DNAJC21: variants seen among roughly 807,000 people sequenced by gnomAD.
DNAJC21 encodes dnaJ homolog subfamily C member 21.
DNAJC21 carries 63 observed loss-of-function variants against 72.4 expected under a neutral mutation model. The ratio of observed to expected loss-of-function variants is 0.87; its 90% CI spans 0.71 to 1.07. DNAJC21 has a LOEUF of 1.07. Ranked by LOEUF, DNAJC21 falls within the 50% of genes least tolerant of loss-of-function variation. The pLI is 0.00. For missense variants in DNAJC21, 634 were observed against 644.8 expected (o/e 0.98, Z 0.18); for synonymous variants, 203 against 216.7 (o/e 0.94, Z 0.56).
chr5:34,950,432 A>G (rs1351354169), intron 10 of DNAJC21, 90 bp downstream of exon 10: 20 of 1,483,610 alleles, frequency 1.3e-5, no homozygotes, highest in Non-Finnish European at 1.6e-5. Context: ...CTTCTTTCCC[A>G]TGACTGACCA....
At chr5:34,941,045 G>C in intron 6 of DNAJC21, 51 bp from the exon 7 acceptor site, 1 of 1,368,454 alleles carries the variant, frequency 7.3e-7, no homozygotes. Context: ...GCATATTTTA[G>C]ATTTGTGCTC....
At position 34,933,799 on chromosome 5, in the gene DNAJC21, T is replaced by C. The variant is rs2112023914; in HGVS notation, c.98-16T>C. 6.2e-7 allele frequency: 1 copy of C among 1,608,654 alleles called. No individual in the cohort carries two copies. The highest frequency in any genetic ancestry group is 1.7e-4 in the Middle Eastern group (1 of 6,050). On this transcript the variant is annotated splice_polypyrimidine_tract_variant and intron_variant, in intron 1 of 11. Transcript: ENST00000648817. ...TGTACGTTTTTGATTGACTTAAATT[T>C]CTGTGACTTTAACAGATAAAAATCT... is the stretch of plus-strand genomic sequence containing the variant.
At chr5:34,941,718 CA>C (rs544824214) in intron 7 of DNAJC21, among the ~76,000 whole-genome samples, 13 of 152,036 alleles carry the variant, frequency 8.6e-5, no homozygotes, top group Non-Finnish European at 1.9e-4. Context: ...AGATGCAGGT[CA>C]CCGCACCCAG....
chr5:34,942,216 A>G (rs73080678), intron 7 of DNAJC21, among the ~76,000 whole-genome samples: 194 of 152,266 alleles, frequency 1.3e-3, no homozygotes, highest in African/African-American at 4.3e-3. Context: ...GATGCTGCCA[A>G]TATAGGGGCT....
intron 2 of DNAJC21, among the ~76,000 whole-genome samples, chr5:34,934,423 G>T (rs1371879740): frequency 1.3e-5 from 2 of 150,672 alleles, no homozygotes; most frequent in Non-Finnish European, 3.0e-5. Context: ...TAGAGACGGG[G>T]TTTCAGCATG....
rs1298461050 is a variant in DNAJC21 at position 34,937,500 on chromosome 5, C to T, written c.613C>T (p.Gln205Ter). The T allele has an allele frequency of 6.2e-7, 1 of 1,614,144 alleles. No individual in the cohort carries two copies. The highest frequency in any genetic ancestry group is 1.1e-5 in the South Asian group (1 of 91,080). Residue 205 changes from glutamine to a stop codon, truncating the protein, a stop_gained, in exon 5 of 12, where the codon CAG (glutamine) becomes TAG (stop). Transcript: ENST00000648817. LOFTEE classifies it high-confidence loss of function. Reference sequence around the variant, plus strand: ...GAAAGAGAAGAATGAGCTTGTCCGTCAGCTGGTAGCTTTCATTCGTAAAAG... The same window carrying T: ...GAAAGAGAAGAATGAGCTTGTCCGTTAGCTGGTAGCTTTCATTCGTAAAAG... ...ARKEKNELVR[Q>*]LVAFIRKRDK...
chr5:34,951,690 GCTAT>G, intron 10 of DNAJC21: 1 of 789,248 alleles, frequency 1.3e-6, no homozygotes, highest in Non-Finnish European at 1.5e-6. Flanking sequence ...GCCACGCCTG[GCTAT>G]TTTTCTGTAT....
At chr5:34,952,252 T>A (rs1765398208) in intron 10 of DNAJC21, 1 of 983,720 alleles carries the variant, frequency 1.0e-6, no homozygotes, top group Non-Finnish European at 1.2e-6. Flanking sequence ...CCTAAATTTG[T>A]TAGACATATT....
At position 34,957,678 on chromosome 5, in the gene DNAJC21, C is replaced by G. The variant is rs1316477651; in HGVS notation, c.*2964C>G. On this transcript the variant is annotated 3_prime_UTR_variant, in exon 12 of 12. Coordinates refer to ENST00000648817, the MANE Select transcript of DNAJC21 (RefSeq NM_001012339.3). ...TACTCTTGTATTTGTAGAAGATTGT[C>G]TCTAAAATTGTGGTTTAACTCACGC... The G allele has an allele frequency of 6.6e-6, 1 of 152,172 alleles. No individual in the cohort carries two copies. The highest frequency in any genetic ancestry group is 2.4e-5 in the African/African-American group (1 of 41,438). 9.4% of individuals were successfully genotyped at this position (152,172 alleles called of 1,614,324 possible).
At chr5:34,939,421 G>A (rs1470047155) in intron 6 of DNAJC21, among the ~76,000 whole-genome samples, 4 of 151,930 alleles carry the variant, frequency 2.6e-5, no homozygotes, top group African/African-American at 7.3e-5. Context: ...GCCCGCCACC[G>A]CGCCCGGCTA....
intron 10 of DNAJC21, chr5:34,951,771 G>A (rs1042665648): frequency 1.9e-5 from 19 of 979,066 alleles, no homozygotes; most frequent in South Asian, 9.5e-5. Flanking sequence ...TGATCTGCCC[G>A]CCTTGGCCTA....
chr5:34,952,398 T>A, intron 10 of DNAJC21: 1 of 344,758 alleles, frequency 2.9e-6, no homozygotes. Flanking sequence ...TCTGCATTTT[T>A]TAAATGCATA....
At position 34,929,813 on chromosome 5, in the gene DNAJC21, T is replaced by C; in HGVS notation, c.-7T>C. 1.5e-6 allele frequency: 2 copies of C among 1,332,574 alleles called. No individual in the cohort carries two copies. The highest frequency in any genetic ancestry group is 9.9e-7 in the Non-Finnish European group (1 of 1,011,144). 82.5% of individuals were successfully genotyped at this position (1,332,574 alleles called of 1,614,324 possible). On this transcript the variant is annotated 5_prime_UTR_variant, in exon 1 of 12. Transcript: ENST00000648817. ...GCCCCAGCGCCGGCCGCCCGCCCGG[T>C]CGGGCGATGAAGTGTCACTATGAGG... is the stretch of plus-strand genomic sequence containing the variant.
chr5:34,936,377 G>A, intron 4 of DNAJC21, 111 bp downstream of exon 4: 1 of 1,290,458 alleles, frequency 7.7e-7, no homozygotes, highest in South Asian at 1.5e-5. Flanking sequence ...GCAGTGCAGT[G>A]GTATGATCAT....
Position 34,951,761 on chromosome 5 carries a change from T to C in DNAJC21, c.1358+1419T>C, listed in dbSNP as rs1379065005. On this transcript the variant is annotated intron_variant, in intron 10 of 11. Coordinates refer to ENST00000648817, the MANE Select transcript of DNAJC21 (RefSeq NM_001012339.3). ...GGGTGGTCTTGAACTCCTGACCTCA[T>C]GATCTGCCCGCCTTGGCCTACCAAA... 7 of 968,084 alleles carry C rather than the reference T, an allele frequency of 7.2e-6. No individual in the cohort carries two copies. The African/African-American group carries it at 8.8e-5, about 12-fold the overall frequency. The allele number at this position is 968,084 out of a possible 1,614,324, so 60.0% of individuals were successfully genotyped here.
intron 9 of DNAJC21, among the ~76,000 whole-genome samples, chr5:34,949,141 A>G (rs544635818): frequency 1.2e-4 from 18 of 152,320 alleles, no homozygotes; most frequent in African/African-American, 3.8e-4. Flanking sequence ...AAAATCTGGC[A>G]ATACCACCCT....
intron 10 of DNAJC21, 62 bp downstream of exon 10, chr5:34,950,404 T>C: frequency 6.5e-7 from 1 of 1,538,568 alleles, no homozygotes; most frequent in Admixed American, 2.1e-5. Flanking sequence ...ATGTAGCTTT[T>C]CATATATCAA....
chr5:34,931,845 T>G (rs1204301776), intron 1 of DNAJC21, among the ~76,000 whole-genome samples: 1 of 152,018 alleles, frequency 6.6e-6, no homozygotes, highest in Non-Finnish European at 1.5e-5. Context: ...ATGACCAGAT[T>G]TGGTGATTAA....
rs981453951 is a variant in DNAJC21, at chr5:34,938,948, G to T, written c.834G>T (p.Glu278Asp). 2.5e-6 allele frequency: 4 copies of T among 1,613,970 alleles called. No homozygotes were observed. The African/African-American group carries it at 4.0e-5, about 16-fold the overall frequency. The change falls in exon 6 of 12, where the codon GAG (glutamate) becomes GAT (aspartate). Residue 278 changes from glutamate (E) to aspartate (D), a missense_variant. By Grantham distance (45) the Glu-to-Asp change is conservative. Transcript: ENST00000648817. ...LQEMEARYEK[E>D]FGDGSDENEM... ...AGATGGAGGCACGGTACGAGAAGGAGTTTGGAGATGGATCGGATGAAAATG... is the reference window on the plus strand; with the variant it reads ...AGATGGAGGCACGGTACGAGAAGGATTTTGGAGATGGATCGGATGAAAATG...
Sources: allele counts gnomAD v4.1 joint callset (sites outside exome capture counted in the v4.1 genomes callset), GRCh38; gene constraint gnomAD v4.1.1; transcripts MANE v1.5; gene names NCBI Gene and HGNC (gene_info 2026-07-23, HGNC 2026-07-21).